WASHC5: variants seen among roughly 807,000 people sequenced by gnomAD.
The protein encoded by WASHC5 is WASH complex subunit strumpellin.
A neutral mutation model predicts 150.4 loss-of-function variants in WASHC5; 101 were observed. The observed-to-expected ratio is 0.67, with a 90% CI of 0.57 to 0.79. WASHC5 has a LOEUF of 0.79. WASHC5 is among the 30% of genes least tolerant of loss of function. WASHC5 has a pLI of 0.00. For synonymous variants in WASHC5, 467 were observed against 491.2 expected, an observed-to-expected ratio of 0.95 and a Z score of 0.65; for missense variants, 1,195 against 1,396.3, an observed-to-expected ratio of 0.86 and a Z score of 2.30.
chr8:125,032,104 C>T, intron 27 of WASHC5, 137 bp downstream of exon 27: 2 of 988,680 alleles, frequency 2.0e-6, no homozygotes, highest in Non-Finnish European at 3.2e-6. Flanking sequence ...AGGAGGTATG[C>T]CCTGACTTGC....
At chr8:125,054,709 C>A (rs1201952602) in intron 17 of WASHC5, among the ~76,000 whole-genome samples, 1 of 151,952 alleles carries the variant, frequency 6.6e-6, no homozygotes, top group East Asian at 1.9e-4. Context: ...GTCCCAGCTA[C>A]TCGGGAGGCT....
intron 1 of WASHC5, among the ~76,000 whole-genome samples, chr8:125,090,888 A>G (rs1178953069): frequency 6.6e-6 from 1 of 152,186 alleles, no homozygotes; most frequent in Non-Finnish European, 1.5e-5. Context: ...TTTCCAGAAA[A>G]GTTCTGAAAT....
chr8:125,042,918 T>G (rs1474344332), intron 23 of WASHC5, among the ~76,000 whole-genome samples: 2 of 152,222 alleles, frequency 1.3e-5, no homozygotes, highest in Non-Finnish European at 2.9e-5. Flanking sequence ...TGAATTTGGC[T>G]AAGATACCAA....
chr8:125,054,772 T>C (rs1453438724), intron 17 of WASHC5, among the ~76,000 whole-genome samples: 2 of 151,360 alleles, frequency 1.3e-5, no homozygotes, highest in Non-Finnish European at 2.9e-5. Context: ...GGAGCCGAGA[T>C]TGCACCACTG....
At position 125,082,933 on chromosome 8, in the gene WASHC5, T is replaced by C. The variant is rs963693377; in HGVS notation, c.332+180A>G. On this transcript the variant is annotated intron_variant, in intron 3 of 28. Coordinates refer to ENST00000318410, the MANE Select transcript of WASHC5 (RefSeq NM_014846.4). ...AACACCTCATAAGAGCAGGACATTA[T>C]AGTAAAACTTCAAAATTCTTAAGAT... 81 of 537,620 alleles carry C rather than the reference T, an allele frequency of 1.5e-4. 1 individual carries two copies. Among genetic ancestry groups the C allele is most frequent in the Non-Finnish European group, 2.9e-5 (9 of 306,210 alleles). 33.3% of individuals were successfully genotyped at this position (537,620 alleles called of 1,614,324 possible).
intron 27 of WASHC5, among the ~76,000 whole-genome samples, chr8:125,031,578 T>C (rs1815537271): frequency 6.6e-6 from 1 of 152,142 alleles, no homozygotes; most frequent in Admixed American, 6.5e-5. Flanking sequence ...TTTGATTCGT[T>C]TTTTACATTA....
chr8:125,052,558 CAT>C (rs924404204), intron 17 of WASHC5, among the ~76,000 whole-genome samples: 3 of 151,742 alleles, frequency 2.0e-5, no homozygotes, highest in East Asian at 1.9e-4. Context: ...ATATCACACA[CAT>C]ATATTATACA....
chr8:125,066,428 C>A (rs961233029), intron 10 of WASHC5, among the ~76,000 whole-genome samples: 10 of 152,174 alleles, frequency 6.6e-5, no homozygotes, highest in African/African-American at 2.4e-4. Context: ...CCTGGGCCCA[C>A]CTGATCCAAG....
intron 17 of WASHC5, among the ~76,000 whole-genome samples, chr8:125,050,935 G>A (rs957245143): frequency 5.9e-5 from 9 of 152,194 alleles, no homozygotes; most frequent in Non-Finnish European, 1.2e-4. Flanking sequence ...AATAAGGAAA[G>A]TTTTAAATGG....
intron 11 of WASHC5, among the ~76,000 whole-genome samples, chr8:125,062,201 G>T (rs1307434208): frequency 1.3e-5 from 2 of 152,106 alleles, no homozygotes; most frequent in Non-Finnish European, 2.9e-5. Flanking sequence ...TGAGACCCAG[G>T]CTCTCCACCT....
rs1815317218 is a variant in WASHC5 at position 125,024,529 on chromosome 8, C to A, written c.*88G>T. ...GACAGAAAAAATGCAGTTGTATGAG[C>A]AACTGAGTTTCTTTTCATCTTCAAA... is the stretch of plus-strand genomic sequence containing the variant. On this transcript the variant is annotated 3_prime_UTR_variant, in exon 29 of 29. Coordinates refer to ENST00000318410, the MANE Select transcript of WASHC5 (RefSeq NM_014846.4). The A allele has an allele frequency of 1.0e-6, 1 of 989,636 alleles. No individual in the cohort carries two copies. 61.3% of individuals were successfully genotyped at this position (989,636 alleles called of 1,614,324 possible). A position where few individuals can be genotyped will look rare whatever the true frequency, so the allele number is the denominator to read the frequency against.
At chr8:125,041,638 CA>C (rs34663374) in intron 23 of WASHC5, among the ~76,000 whole-genome samples, 3 of 145,038 alleles carry the variant, frequency 2.1e-5, no homozygotes. Flanking sequence ...GAGACTGTCT[CA>C]AAAAAAAAAG....
At chr8:125,074,865 C>A (rs1422770597) in intron 8 of WASHC5, 133 bp downstream of exon 8, 4 of 709,458 alleles carry the variant, frequency 5.6e-6, no homozygotes, top group African/African-American at 1.8e-5. Flanking sequence ...ATAAAATTCA[C>A]CTTTTATTAA....
At chr8:125,032,746 A>G in intron 26 of WASHC5, 1 of 320,736 alleles carries the variant, frequency 3.1e-6, no homozygotes, top group Middle Eastern at 1.1e-3. Context: ...TAACGGCAGC[A>G]TGACATACTA....
Position 125,044,660 on chromosome 8 carries a change from T to C in WASHC5, c.2543A>G (p.Asp848Gly). Residue 848 changes from aspartate (D) to glycine (G), a missense_variant, in exon 21 of 29, where the codon GAT becomes GGT. Coordinates refer to ENST00000318410, the MANE Select transcript of WASHC5 (RefSeq NM_014846.4). ...CHIDQLNTWY[D>G]MKTHQEVTSS... ...GGTCACTTCCTGATGAGTTTTCATATCATACCAAGTGTTCAGCTGGTCTAT... is the reference window on the plus strand; with the variant it reads ...GGTCACTTCCTGATGAGTTTTCATACCATACCAAGTGTTCAGCTGGTCTAT... 6.2e-7 allele frequency: 1 copy of C among 1,614,120 alleles called. No individual in the cohort carries two copies. Among genetic ancestry groups the C allele is most frequent in the Non-Finnish European group, 8.5e-7 (1 of 1,179,956 alleles).
At position 125,075,092 on chromosome 8, in the gene WASHC5, C is replaced by T. The variant is rs750359176; in HGVS notation, c.884G>A (p.Gly295Glu). Residue 295 changes from glycine to glutamate, a missense_variant, in exon 8 of 29, where the codon GGG (glycine) becomes GAG (glutamate). Physicochemically the swap from Gly to Glu is moderately conservative, Grantham distance 98. Transcript: ENST00000318410. ...AGCATCTACTAGATTAACTGTGATC[C>T]CCATGTAAATACTAATTACCTGAAA... ...PDNWVISIYM[G>E]ITVNLVDAWE... 5 of 1,606,772 alleles carry T rather than the reference C, an allele frequency of 3.1e-6. No homozygotes were observed. The highest frequency in any genetic ancestry group is 1.3e-5 in the African/African-American group (1 of 74,704).
At chr8:125,088,424 CA>C (rs35452643) in intron 1 of WASHC5, among the ~76,000 whole-genome samples, 18,646 of 76,666 alleles carry the variant, frequency 0.24, 1,415 homozygotes, top group Admixed American at 0.37. Context: ...GACTTCATCT[CA>C]AAAAAAAAAA....
intron 10 of WASHC5, among the ~76,000 whole-genome samples, chr8:125,065,415 A>G (rs988987812): frequency 2.0e-5 from 3 of 152,044 alleles, no homozygotes; most frequent in Non-Finnish European, 2.9e-5. Flanking sequence ...CTACCTGGAT[A>G]GACAGAAGGA....
At position 125,043,873 on chromosome 8, in the gene WASHC5, A is replaced by C; in HGVS notation, c.2802T>G (p.Ile934Met). The change falls in exon 23 of 29, where the codon ATT becomes ATG. Residue 934 changes from isoleucine to methionine, a missense_variant. Physicochemically the swap from Ile to Met is conservative, Grantham distance 10. This residue lies in a region of WASHC5 where 997 missense variants were observed against 1,168.1 expected (regional missense o/e 0.85). Transcript: ENST00000318410. ...CAGTCCAAATCTTCTGTGTTTTGGC[A>C]ATGGCGGAAAAATAAATTTTATTTG... Reference protein sequence around the residue: ...ANSNKIYFSAIAKTQKIWTAY... With the variant: ...ANSNKIYFSAMAKTQKIWTAY... 6.2e-7 allele frequency: 1 copy of C among 1,613,196 alleles called. No individual in the cohort carries two copies.
Sources: allele counts gnomAD v4.1 joint callset (sites outside exome capture counted in the v4.1 genomes callset), GRCh38; gene constraint gnomAD v4.1.1; regional missense constraint gnomAD v4.1.1; transcripts MANE v1.5; gene names NCBI Gene and HGNC (gene_info 2026-07-23, HGNC 2026-07-21).